DNAJC6: variants seen among roughly 807,000 people sequenced by gnomAD.
DNAJC6 encodes the protein DnaJ heat shock protein family (Hsp40) member C6.
DNAJC6 carries 34 observed loss-of-function variants against 110.0 expected under a neutral mutation model. The ratio of observed to expected loss-of-function variants is 0.31; its 90% CI spans 0.24 to 0.41. DNAJC6 has a LOEUF of 0.41. Among genes scored for constraint, DNAJC6 ranks in the 10% least tolerant of loss-of-function variants. The probability of loss-of-function intolerance (pLI) is 1.00; values close to 1 mark genes in which losing one functional copy is unlikely to be tolerated. For synonymous variants in DNAJC6, 406 were observed against 437.2 expected (o/e 0.93, Z 0.89); for missense variants, 1,031 against 1,207.8 (o/e 0.85, Z 2.17).
chr1:65,354,436 G>C (rs1228487260), intron 1 of DNAJC6, among the ~76,000 whole-genome samples: 1 of 152,214 alleles, frequency 6.6e-6, no homozygotes, highest in African/African-American at 2.4e-5. Flanking sequence ...CTGCTTAGCT[G>C]AGTGTCTAGC....
rs540257927 is a variant in DNAJC6, at chr1:65,369,509, T to C, written c.543+3313T>C. On this transcript the variant is annotated intron_variant, in intron 4 of 18. Transcript: ENST00000371069. Reference sequence around the variant, plus strand: ...TAAACCTTATTTTAATAAATGTTGATGGTAGAGTCTACCATAAATACTAAA... The same window carrying C: ...TAAACCTTATTTTAATAAATGTTGACGGTAGAGTCTACCATAAATACTAAA... Among the ~76,000 whole-genome samples the C allele has an allele frequency of 8.5e-4, 129 of 152,340 alleles. 1 individual carries two copies. The highest frequency in any genetic ancestry group is 3.0e-3 in the African/African-American group (126 of 41,580).
At position 65,398,823 on chromosome 1, in the gene DNAJC6, G is replaced by A. The variant is rs138889333; in HGVS notation, c.2049G>A (p.Thr683=). ...SPSPTVHASS[T]PAVNIQPDVS... is the part of the protein sequence containing the mutation. Reference sequence around the variant, plus strand: ...TTTCCCCATTTGCAGCTTCTAGTACGCCTGCTGTGAACATTCAGCCAGATG... The same window carrying A: ...TTTCCCCATTTGCAGCTTCTAGTACACCTGCTGTGAACATTCAGCCAGATG... The change falls in exon 14 of 19, where the codon ACG becomes ACA. Residue 683 remains threonine, a synonymous_variant. Transcript: ENST00000371069. The A allele has an allele frequency of 1.6e-5, 26 of 1,613,864 alleles. 1 individual carries two copies. The highest frequency in any genetic ancestry group is 1.6e-4 in the African/African-American group (12 of 74,890).
intron 1 of DNAJC6, among the ~76,000 whole-genome samples, chr1:65,354,960 C>G (rs1334129649): frequency 1.3e-5 from 2 of 152,140 alleles, no homozygotes; most frequent in Non-Finnish European, 2.9e-5. Context: ...GCCAGCCAAA[C>G]CTTCCAGCAA....
At chr1:65,302,101 ATATAT>A in intron 1 of DNAJC6, among the ~76,000 whole-genome samples, 1 of 28,410 alleles carries the variant, frequency 3.5e-5, no homozygotes, top group Admixed American at 4.7e-4. Flanking sequence ...TATATATATA[ATATAT>A]AATATATATA....
Position 65,392,711 on chromosome 1 carries a change from C to A in DNAJC6, c.1749C>A (p.Asp583Glu), listed in dbSNP as rs896305027. The change falls in exon 12 of 19, where the codon GAC becomes GAA. Residue 583 changes from aspartate (D) to glutamate (E), a missense_variant. Asp to Glu is a conservative substitution (Grantham distance 45). Coordinates refer to ENST00000371069, the MANE Select transcript of DNAJC6 (RefSeq NM_001256864.2). ...CCACCAATTCTGAACTACTGAGTGA[C>A]CTGTTTGGGGGTGGAGGTGCAGCTG... The part of the protein sequence containing the change: ...APPTNSELLS[D>E]LFGGGGAAGP... 1.2e-6 allele frequency: 2 copies of A among 1,612,898 alleles called. No homozygotes were observed. The highest frequency in any genetic ancestry group is 1.7e-6 in the Non-Finnish European group (2 of 1,179,530).
intron 1 of DNAJC6, among the ~76,000 whole-genome samples, chr1:65,311,867 C>G (rs181159229): frequency 1.5e-3 from 221 of 152,200 alleles, no homozygotes; most frequent in African/African-American, 5.2e-3. Context: ...GTTCAACATA[C>G]ATTTTCTGAG....
intron 7 of DNAJC6, 86 bp from the exon 8 acceptor site, chr1:65,386,726 C>G: frequency 3.4e-6 from 4 of 1,191,620 alleles, no homozygotes; most frequent in Non-Finnish European, 3.7e-6. Context: ...TCCTCTGGGC[C>G]AGAGCCATAG....
rs757105510 is a variant in DNAJC6, at chr1:65,389,198, A to G, written c.1194-58A>G. 5 of 1,500,816 alleles carry G rather than the reference A, an allele frequency of 3.3e-6. No individual in the cohort carries two copies. The Admixed American group carries it at 9.3e-5, about 28-fold the overall frequency. 93.0% of individuals were successfully genotyped at this position (1,500,816 alleles called of 1,614,324 possible). On this transcript the variant is annotated intron_variant, in intron 9 of 18. Transcript: ENST00000371069. ...CAACCTAAGATGACTTCTGTGCCAA[A>G]CATCATACCAGTTCCATTGTTTTTC...
chr1:65,384,049 A>C, intron 5 of DNAJC6, 144 bp from the exon 6 acceptor site: 1 of 1,098,118 alleles, frequency 9.1e-7, no homozygotes, highest in Non-Finnish European at 1.2e-6. Flanking sequence ...TTTGGTTTTC[A>C]AGTGAATAAT....
chr1:65,296,413 T>C (rs1210524211), intron 1 of DNAJC6, among the ~76,000 whole-genome samples: 1 of 152,178 alleles, frequency 6.6e-6, no homozygotes, highest in Non-Finnish European at 1.5e-5. Flanking sequence ...CTGAGAACTC[T>C]GACCCGGACT....
upstream of DNAJC6, among the ~76,000 whole-genome samples, chr1:65,309,144 A>C (rs879493018): frequency 1.3e-5 from 2 of 152,058 alleles, no homozygotes; most frequent in Admixed American, 1.3e-4. Context: ...ATTTTACCAC[A>C]AGACCCCTGG....
At position 65,309,841 on chromosome 1, in the gene DNAJC6, C is replaced by G; in HGVS notation, c.96C>G (p.Ser32Arg). 1 of 1,548,776 alleles carries G rather than the reference C, an allele frequency of 6.5e-7. No individual in the cohort carries two copies. Among genetic ancestry groups the G allele is most frequent in the Non-Finnish European group, 8.7e-7 (1 of 1,146,150 alleles). Reference protein sequence around the residue: ...VDSNGDLSAGSGGVGGKQRVN... With the variant: ...VDSNGDLSAGRGGVGGKQRVN... ...GTAACGGGGACTTAAGTGCGGGAAG[C>G]GGCGGGGTTGGCGGCAAGCAGAGAG... Residue 32 changes from serine to arginine, a missense_variant, in exon 1 of 19, where the codon AGC (serine) becomes AGG (arginine). Physicochemically the swap from Ser to Arg is moderately radical, Grantham distance 110. Transcript: ENST00000371069.
chr1:65,364,606 G>GTTT (rs1557543071), intron 1 of DNAJC6, 29 bp from the exon 2 acceptor site: 1 of 1,553,260 alleles, frequency 6.4e-7, no homozygotes, highest in Admixed American at 2.1e-5. Context: ...CACCATTTTT[G>GTTT]TTTGTTTGTT....
chr1:65,378,271 G>A (rs1323298250), intron 4 of DNAJC6, among the ~76,000 whole-genome samples: 2 of 104,980 alleles, frequency 1.9e-5, no homozygotes, highest in East Asian at 1.4e-3. Context: ...AGATCTGAGA[G>A]TCATTCTCCT....
intron 1 of DNAJC6, among the ~76,000 whole-genome samples, chr1:65,359,894 A>G (rs908495370): frequency 7.2e-5 from 11 of 152,200 alleles, no homozygotes; most frequent in African/African-American, 2.7e-4. Flanking sequence ...TACCAGTTTC[A>G]TGTTATGAAA....
intron 1 of DNAJC6, among the ~76,000 whole-genome samples, chr1:65,289,631 G>A (rs376774371): frequency 6.6e-6 from 1 of 152,142 alleles, no homozygotes; most frequent in African/African-American, 2.4e-5. Flanking sequence ...TGAGAGGCCT[G>A]ATTATGACCA....
chr1:65,307,849 C>A (rs1269846963), upstream of DNAJC6, among the ~76,000 whole-genome samples: 1 of 152,134 alleles, frequency 6.6e-6, no homozygotes, highest in Non-Finnish European at 1.5e-5. Context: ...TGCCACCATT[C>A]AGATTGTTTG....
chr1:65,275,507 T>C (rs1227566909), intron 1 of DNAJC6, among the ~76,000 whole-genome samples: 1 of 152,216 alleles, frequency 6.6e-6, no homozygotes, highest in Non-Finnish European at 1.5e-5. Flanking sequence ...TTAAGACTTT[T>C]CTCAATTGAT....
Position 65,384,214 on chromosome 1 carries a change from A to G in DNAJC6, c.688A>G (p.Ile230Val), listed in dbSNP as rs1380282163. 1.0e-5 allele frequency: 16 copies of G among 1,549,374 alleles called. No individual in the cohort carries two copies. The highest frequency in any genetic ancestry group is 2.5e-5 in the East Asian group (1 of 40,016). Residue 230 changes from isoleucine to valine, a missense_variant, in exon 6 of 19, where the codon ATT becomes GTT. By Grantham distance (29) the Ile-to-Val change is conservative (BLOSUM62 3). Coordinates refer to ENST00000371069, the MANE Select transcript of DNAJC6 (RefSeq NM_001256864.2). ...ACAGGATGGACGGGCGGCATCATCA[A>G]TTCTGGTTGGTGCTATGTTCATTTT... ...HCLDGRAASS[I>V]LVGAMFIFCN...
Sources: allele counts gnomAD v4.1 joint callset (sites outside exome capture counted in the v4.1 genomes callset), GRCh38; gene constraint gnomAD v4.1.1; transcripts MANE v1.5; gene names NCBI Gene and HGNC (gene_info 2026-07-23, HGNC 2026-07-21).